The following MYO9A variants were observed in gnomAD, a reference collection of about 807,000 sequenced individuals.
MYO9A encodes the protein myosin IXA, also known as unconventional myosin-IXa.
A neutral mutation model predicts 293.3 loss-of-function variants in MYO9A; 103 were observed. The observed-to-expected ratio is 0.35, with a 90% confidence interval of 0.30 to 0.41. The LOEUF (loss-of-function observed/expected upper bound fraction) is 0.41, where lower values mean the gene tolerates loss of function less well. Ranked by LOEUF, MYO9A falls within the 10% of genes least tolerant of loss-of-function variation. The probability of loss-of-function intolerance (pLI) is 1.00; values close to 1 mark genes in which losing one functional copy is unlikely to be tolerated. For synonymous variants in MYO9A, 1,001 were observed against 1,035.7 expected (o/e 0.97, Z 0.64); for missense variants, 2,685 against 3,033.0 (o/e 0.89, Z 2.69).
At chr15:71,866,975 T>G (rs1008269421) in intron 32 of MYO9A, among the ~76,000 whole-genome samples, 8 of 151,882 alleles carry the variant, frequency 5.3e-5, no homozygotes, top group African/African-American at 1.9e-4. Flanking sequence ...GAGAATAACT[T>G]GAACTCGGGA....
rs1596367195 is a variant in MYO9A, at chr15:72,007,816, A to C, written c.1380+10T>G. ...GATTTGAAATGACAACTGAAAATGT[A>C]ATCACTCACCTCTAATAATTCTGAG... is the stretch of plus-strand genomic sequence containing the variant. On this transcript the variant is annotated intron_variant, in intron 8 of 41. Transcript: ENST00000356056. 6.3e-7 allele frequency: 1 copy of C among 1,597,716 alleles called. No homozygotes were observed. Among genetic ancestry groups the C allele is most frequent in the Non-Finnish European group, 8.5e-7 (1 of 1,175,668 alleles).
intron 1 of MYO9A, among the ~76,000 whole-genome samples, chr15:72,078,808 G>A (rs1414455073): frequency 4.0e-5 from 6 of 151,788 alleles, no homozygotes; most frequent in African/African-American, 1.2e-4. Context: ...AAAGACAAAC[G>A]AGCTATCGAA....
chr15:71,903,864 C>G (rs768871411), intron 21 of MYO9A, 65 bp downstream of exon 21: 1 of 1,343,344 alleles, frequency 7.4e-7, no homozygotes, highest in Non-Finnish European at 1.0e-6. Context: ...AAATAATAAG[C>G]AAGATATGTG....
chr15:72,057,728 T>C (rs989874643), intron 1 of MYO9A, among the ~76,000 whole-genome samples: 3 of 152,214 alleles, frequency 2.0e-5, no homozygotes, highest in African/African-American at 7.2e-5. Context: ...CCATATTCCC[T>C]GAATGCATAA....
intron 3 of MYO9A, among the ~76,000 whole-genome samples, chr15:72,028,560 T>A (rs1377956213): frequency 6.6e-6 from 1 of 150,996 alleles, no homozygotes; most frequent in African/African-American, 2.4e-5. Flanking sequence ...GGCAGAAGAA[T>A]CACTTGAACC....
chr15:71,861,692 A>AAAC (rs2056137047), intron 33 of MYO9A, among the ~76,000 whole-genome samples: 1 of 139,980 alleles, frequency 7.1e-6, no homozygotes, highest in African/African-American at 2.5e-5. Flanking sequence ...AAAAAAAAAA[A>AAAC]AAAAAAAAAC....
intron 26 of MYO9A, among the ~76,000 whole-genome samples, chr15:71,889,174 TC>T (rs1252809151): frequency 1.3e-5 from 2 of 152,064 alleles, no homozygotes; most frequent in Non-Finnish European, 1.5e-5. Context: ...ACTCTAGAGA[TC>T]TACAGAAGGT....
At chr15:72,076,004 A>C (rs184903655) in intron 1 of MYO9A, among the ~76,000 whole-genome samples, 1 of 152,180 alleles carries the variant, frequency 6.6e-6, no homozygotes, top group Non-Finnish European at 1.5e-5. Flanking sequence ...TGGAGGAAGA[A>C]TTAAAACTAT....
intron 32 of MYO9A, among the ~76,000 whole-genome samples, chr15:71,868,866 G>GA (rs1472267723): frequency 1.3e-5 from 2 of 152,018 alleles, no homozygotes; most frequent in African/African-American, 4.8e-5. Flanking sequence ...ATATCTATTA[G>GA]AAAAAACACT....
chr15:71,848,150 A>C (rs529492179), intron 39 of MYO9A, among the ~76,000 whole-genome samples: 1 of 151,792 alleles, frequency 6.6e-6, no homozygotes, highest in Admixed American at 6.5e-5. Context: ...GTTATCCTGA[A>C]AACTGACTTC....
intron 1 of MYO9A, among the ~76,000 whole-genome samples, chr15:72,100,430 G>C (rs1335775077): frequency 2.0e-5 from 3 of 151,946 alleles, no homozygotes; most frequent in Non-Finnish European, 4.4e-5. Context: ...CATCGTCTGG[G>C]ATGTGGGGAG....
intron 1 of MYO9A, among the ~76,000 whole-genome samples, chr15:72,050,545 T>G (rs565935201): frequency 6.6e-6 from 1 of 152,184 alleles, no homozygotes. Flanking sequence ...AGGCAGAGCT[T>G]GCAGTGAGCC....
At chr15:71,855,568 T>G (rs1026989554) in intron 34 of MYO9A, among the ~76,000 whole-genome samples, 1 of 152,226 alleles carries the variant, frequency 6.6e-6, no homozygotes, top group African/African-American at 2.4e-5. Flanking sequence ...GACTGAAAAT[T>G]GTTTTGCAAA....
chr15:71,849,081 C>T, intron 38 of MYO9A, 113 bp from the exon 39 acceptor site: 4 of 1,013,734 alleles, frequency 3.9e-6, no homozygotes, highest in African/African-American at 1.6e-5. Context: ...AAATTAACAT[C>T]CCTTACTTGA....
chr15:71,906,747 T>C (rs1250495351), intron 19 of MYO9A, among the ~76,000 whole-genome samples: 1 of 133,532 alleles, frequency 7.5e-6, no homozygotes, highest in Non-Finnish European at 1.6e-5. Flanking sequence ...TCAGATAATA[T>C]CCATTTCTTT....
At chr15:71,853,701 CAG>C (rs1567198763) in intron 35 of MYO9A, among the ~76,000 whole-genome samples, 1 of 152,136 alleles carries the variant, frequency 6.6e-6, no homozygotes, top group African/African-American at 2.4e-5. Context: ...AGAATGAAAC[CAG>C]AGTCAGTCCC....
chr15:72,097,487 C>T (rs553505893), intron 1 of MYO9A, among the ~76,000 whole-genome samples: 22 of 152,078 alleles, frequency 1.4e-4, no homozygotes, highest in African/African-American at 2.6e-4. Context: ...AAGTCTTATA[C>T]GCAATGGGAA....
At chr15:72,044,056 A>G (rs1312426083) in intron 2 of MYO9A, among the ~76,000 whole-genome samples, 1 of 151,732 alleles carries the variant, frequency 6.6e-6, no homozygotes, top group Non-Finnish European at 1.5e-5. Flanking sequence ...TGTATGCATT[A>G]CCTCACAATA....
intron 1 of MYO9A, among the ~76,000 whole-genome samples, chr15:72,081,115 C>T (rs571362929): frequency 5.5e-4 from 84 of 152,158 alleles, no homozygotes; most frequent in African/African-American, 1.9e-3. Flanking sequence ...AATGGTAGTT[C>T]TTTTTAGGTC....
Sources: allele counts gnomAD v4.1 joint callset (sites outside exome capture counted in the v4.1 genomes callset), GRCh38; gene constraint gnomAD v4.1.1; transcripts MANE v1.5; gene names NCBI Gene and HGNC (gene_info 2026-07-23, HGNC 2026-07-21).